Variants in MYLK4 observed in about 807,000 individuals in gnomAD.
The protein encoded by MYLK4 is myosin light chain kinase family member 4, also known as caMLCK like.
In MYLK4, 46 loss-of-function variants were observed where a neutral mutation model predicts 48.1. That is an observed-to-expected ratio of 0.96 (90% confidence interval 0.75 to 1.22). The LOEUF is 1.22. Among genes scored for constraint, MYLK4 ranks in the 50% most tolerant of loss-of-function variants. The pLI is 0.00. For missense variants in MYLK4, 451 were observed against 486.1 expected, an observed-to-expected ratio of 0.93 and a Z score of 0.68; for synonymous variants, 170 against 180.8, an observed-to-expected ratio of 0.94 and a Z score of 0.48.
chr6:2,703,664 TC>T (rs1331095804), intron 2 of MYLK4, among the ~76,000 whole-genome samples: 29 of 109,928 alleles, frequency 2.6e-4, no homozygotes, highest in African/African-American at 9.0e-4. Context: ...CTTTGTGAAT[TC>T]TTTTTTTTTT....
intron 2 of MYLK4, among the ~76,000 whole-genome samples, chr6:2,694,504 TGGTGGTGG>T: frequency 9.1e-5 from 3 of 33,012 alleles, no homozygotes; most frequent in Middle Eastern, 0.01. Context: ...GTGGTGGTGG[TGGTGGTGG>T]CGGTGGTGGT....
intron 7 of MYLK4, among the ~76,000 whole-genome samples, chr6:2,682,657 T>G (rs1211042019): frequency 6.6e-6 from 1 of 152,162 alleles, no homozygotes; most frequent in Non-Finnish European, 1.5e-5. Flanking sequence ...TGACTACTAC[T>G]TAGGGAATTC....
At chr6:2,725,302 A>T (rs1302648174) in intron 2 of MYLK4, among the ~76,000 whole-genome samples, 1 of 152,114 alleles carries the variant, frequency 6.6e-6, no homozygotes, top group Non-Finnish European at 1.5e-5. Flanking sequence ...CACAAAAAGA[A>T]TTAAAACAAT....
chr6:2,686,390 G>T (rs1321433932), intron 4 of MYLK4, among the ~76,000 whole-genome samples: 3 of 152,214 alleles, frequency 2.0e-5, no homozygotes, highest in Admixed American at 1.3e-4. Flanking sequence ...AGTCAAGACT[G>T]CATATTGCCA....
In MYLK4 at chr6:2,667,626, A is replaced by T. The variant is rs1760708629; in HGVS notation, c.*299T>A. 1 of 152,652 alleles carries T rather than the reference A, an allele frequency of 6.6e-6. No homozygotes were observed. The highest frequency in any genetic ancestry group is 1.5e-5 in the Non-Finnish European group (1 of 68,038). The allele number at this position is 152,652 out of a possible 1,614,324, so 9.5% of individuals were successfully genotyped here. A position where few individuals can be genotyped will look rare whatever the true frequency, so the allele number is the denominator to read the frequency against. On this transcript the variant is annotated 3_prime_UTR_variant, in exon 13 of 13. Coordinates refer to ENST00000274643, the MANE Select transcript of MYLK4 (RefSeq NM_001012418.5). ...CCCCTGCCCCAGTGACTAAGATCAA[A>T]AAATTTTTTTAAAAAAGTAAAAAAT...
the MYLK4 span, chr6:2,765,786 A>C: frequency 1.4e-6 from 2 of 1,431,818 alleles, no homozygotes; most frequent in South Asian, 1.4e-5. Context: ...GCCGGGTCGC[A>C]CCGCGCCGGG....
At chr6:2,700,983 T>C (rs1762260813) in intron 2 of MYLK4, among the ~76,000 whole-genome samples, 1 of 152,222 alleles carries the variant, frequency 6.6e-6, no homozygotes, top group Non-Finnish European at 1.5e-5. Context: ...ACCTGAGCAC[T>C]TCAAAAACTG....
intron 2 of MYLK4, among the ~76,000 whole-genome samples, chr6:2,736,230 C>T (rs905329861): frequency 1.3e-5 from 2 of 152,198 alleles, no homozygotes; most frequent in Admixed American, 6.5e-5. Flanking sequence ...CGTGTGCTTG[C>T]TTTAAAATAT....
At chr6:2,722,647 C>T (rs1763113077) in intron 2 of MYLK4, among the ~76,000 whole-genome samples, 1 of 151,762 alleles carries the variant, frequency 6.6e-6, no homozygotes, top group South Asian at 2.1e-4. Context: ...AAAACGAACA[C>T]ATGCATATTA....
At chr6:2,668,847 A>G (rs1760769076) in intron 12 of MYLK4, among the ~76,000 whole-genome samples, 1 of 152,072 alleles carries the variant, frequency 6.6e-6, no homozygotes, top group African/African-American at 2.4e-5. Flanking sequence ...AGGCAGGAGG[A>G]TCACTTGAGC....
chr6:2,678,182 C>A, intron 10 of MYLK4, 38 bp downstream of exon 10: 1 of 1,604,538 alleles, frequency 6.2e-7, no homozygotes, highest in Non-Finnish European at 8.5e-7. Context: ...TCCTTATCAT[C>A]CCTACTGCGC....
the MYLK4 span, among the ~76,000 whole-genome samples, chr6:2,758,333 G>GACATATATATT: frequency 6.7e-6 from 1 of 150,314 alleles, no homozygotes; most frequent in East Asian, 1.9e-4. Context: ...CTTTTATCAG[G>GACATATATATT]ACATATATAT....
chr6:2,729,861 G>A (rs896286949), intron 2 of MYLK4, among the ~76,000 whole-genome samples: 2 of 152,164 alleles, frequency 1.3e-5, no homozygotes, highest in African/African-American at 2.4e-5. Flanking sequence ...AGGGTGGCTG[G>A]AGCAATCCCT....
intron 2 of MYLK4, among the ~76,000 whole-genome samples, chr6:2,695,040 G>C (rs1229203240): frequency 1.3e-5 from 2 of 152,174 alleles, no homozygotes; most frequent in Non-Finnish European, 2.9e-5. Context: ...AATTAGCAGA[G>C]TGAAGAGATA....
chr6:2,760,061 T>C, the MYLK4 span, among the ~76,000 whole-genome samples: 1 of 152,228 alleles, frequency 6.6e-6, no homozygotes, highest in African/African-American at 2.4e-5. Flanking sequence ...ATAATAGCTA[T>C]TTATATAGCA....
the MYLK4 span, among the ~76,000 whole-genome samples, chr6:2,758,448 AT>A: frequency 6.6e-6 from 1 of 151,770 alleles, no homozygotes; most frequent in Non-Finnish European, 1.5e-5. Context: ...ATATATAACA[AT>A]AAAAGATATA....
chr6:2,751,140 C>G (rs552593130), upstream of MYLK4, among the ~76,000 whole-genome samples: 106 of 152,300 alleles, frequency 7.0e-4, no homozygotes, highest in African/African-American at 2.4e-3. Flanking sequence ...TGTCAATACT[C>G]TCGGATTTAC....
intron 7 of MYLK4, 152 bp downstream of exon 7, chr6:2,682,869 T>G: frequency 1.3e-6 from 1 of 797,674 alleles, no homozygotes; most frequent in Non-Finnish European, 2.0e-6. Flanking sequence ...TGACAGAAGC[T>G]GAGAATAAGG....
At chr6:2,709,618 A>C (rs1279387121) in intron 2 of MYLK4, among the ~76,000 whole-genome samples, 1 of 152,250 alleles carries the variant, frequency 6.6e-6, no homozygotes, top group Non-Finnish European at 1.5e-5. Context: ...CATTTGAACT[A>C]GTGTTCTGCA....
Sources: gnomAD v4.1 joint callset for allele counts (sites outside exome capture counted in the v4.1 genomes callset) on GRCh38, gnomAD v4.1.1 for gene constraint, MANE v1.5 for transcripts, NCBI Gene and HGNC (gene_info 2026-07-23, HGNC 2026-07-21) for gene names.